The following MYLK4 variants were observed in gnomAD, a reference collection of about 807,000 sequenced individuals.
MYLK4 encodes the protein caMLCK like.
MYLK4 carries 46 observed loss-of-function variants against 48.1 expected under a neutral mutation model. That is an observed-to-expected ratio of 0.96 (90% CI 0.75 to 1.22). The LOEUF (loss-of-function observed/expected upper bound fraction) is 1.22, where lower values mean the gene tolerates loss of function less well. Among genes scored for constraint, MYLK4 ranks in the 50% most tolerant of loss-of-function variants. The pLI is 0.00. For synonymous variants in MYLK4, 170 were observed against 180.8 expected, an observed-to-expected ratio of 0.94 and a Z score of 0.48; for missense variants, 451 against 486.1, an observed-to-expected ratio of 0.93 and a Z score of 0.68.
At chr6:2,683,668 C>T (rs952247110) in intron 6 of MYLK4, among the ~76,000 whole-genome samples, 3 of 152,210 alleles carry the variant, frequency 2.0e-5, no homozygotes, top group African/African-American at 7.2e-5. Context: ...ATCCACCAGC[C>T]TCGGCCTCCC....
intron 10 of MYLK4, 135 bp from the exon 11 acceptor site, chr6:2,675,260 T>A: frequency 1.5e-6 from 1 of 679,206 alleles, no homozygotes; most frequent in East Asian, 2.6e-5. Context: ...TTCTGCCTTC[T>A]CTTGAATTGT....
chr6:2,728,459 G>C (rs894618492), intron 2 of MYLK4, among the ~76,000 whole-genome samples: 1 of 151,936 alleles, frequency 6.6e-6, no homozygotes, highest in African/African-American at 2.4e-5. Flanking sequence ...AGAGGTGGGA[G>C]CTCCTTTGCC....
Position 2,693,744 on chromosome 6 carries a change from A to G in MYLK4, c.160-885T>C, listed in dbSNP as rs575011788. On this transcript the variant is annotated intron_variant, in intron 2 of 12. Transcript: ENST00000274643. ...GTTCAGAGCACAGATATCAAGACAA[A>G]TTGCAAATGTGCTTTTTTTTTTTTT... Among the ~76,000 whole-genome samples the G allele has an allele frequency of 2.7e-5, 4 of 146,070 alleles. No homozygotes were observed. The East Asian group carries it at 6.1e-4, about 22-fold the overall frequency.
At chr6:2,747,408 T>G (rs1156308314) in intron 2 of MYLK4, among the ~76,000 whole-genome samples, 1 of 152,110 alleles carries the variant, frequency 6.6e-6, no homozygotes, top group African/African-American at 2.4e-5. Flanking sequence ...TGCAGTGGTG[T>G]GATCATAGCT....
At chr6:2,686,646 G>A (rs1224105640) in intron 4 of MYLK4, among the ~76,000 whole-genome samples, 1 of 152,200 alleles carries the variant, frequency 6.6e-6, no homozygotes, top group Non-Finnish European at 1.5e-5. Flanking sequence ...GGACTTCAGC[G>A]ATGAAAGTCA....
At chr6:2,711,288 G>A (rs767653562) in intron 2 of MYLK4, among the ~76,000 whole-genome samples, 30 of 152,170 alleles carry the variant, frequency 2.0e-4, no homozygotes, top group African/African-American at 7.0e-4. Context: ...ATCTAATCAT[G>A]GTATTACCAT....
the MYLK4 span, chr6:2,765,610 G>A: frequency 2.0e-6 from 3 of 1,507,022 alleles, no homozygotes; most frequent in Non-Finnish European, 2.6e-6. Flanking sequence ...CGCCGGGGAG[G>A]GCGGCGGCCG....
chr6:2,695,931 A>G (rs577557547), intron 2 of MYLK4, among the ~76,000 whole-genome samples: 2 of 152,338 alleles, frequency 1.3e-5, no homozygotes, highest in East Asian at 1.9e-4. Context: ...TTCTGACCCA[A>G]TCCTGACCAT....
Position 2,749,804 on chromosome 6 carries a change from G to A in MYLK4, c.-112-398C>T, listed in dbSNP as rs189500531. On this transcript the variant is annotated intron_variant, in intron 1 of 12. Coordinates refer to ENST00000274643, the MANE Select transcript of MYLK4 (RefSeq NM_001012418.5). Reference sequence around the variant, plus strand: ...AGAAGGGGTCTCTCTGCTTCCCCTGGCCTCCCTCTGCAGAGGGATCGCTCC... The same window carrying A: ...AGAAGGGGTCTCTCTGCTTCCCCTGACCTCCCTCTGCAGAGGGATCGCTCC... 5.5e-3 allele frequency among the ~76,000 whole-genome samples: 835 copies of A among 152,144 alleles called. 8 individuals are homozygous for A. The highest frequency in any genetic ancestry group is 0.019 in the African/African-American group (769 of 41,486).
the MYLK4 span, among the ~76,000 whole-genome samples, chr6:2,763,449 ATGGCAGGCCTGAGCCTTGCGCTGCG>A: frequency 2.0e-5 from 3 of 152,320 alleles, no homozygotes; most frequent in South Asian, 4.1e-4. Context: ...AGGCTCAGGC[ATGGCAGGCCTGAGCCTTGCGCTGCG>A]TGGAGGCAAC....
At chr6:2,722,780 A>C (rs1287520605) in intron 2 of MYLK4, among the ~76,000 whole-genome samples, 1 of 152,182 alleles carries the variant, frequency 6.6e-6, no homozygotes, top group Non-Finnish European at 1.5e-5. Context: ...AGGCTTTGTA[A>C]AACATTATAA....
upstream of MYLK4, among the ~76,000 whole-genome samples, chr6:2,753,851 G>C (rs1344322199): frequency 6.6e-6 from 1 of 152,030 alleles, no homozygotes; most frequent in Non-Finnish European, 1.5e-5. Context: ...TAGGAGAGCT[G>C]TAATAATAAT....
chr6:2,685,309 G>A lies in MYLK4; in HGVS notation c.532C>T (p.Leu178=). ...DAFESKNDIV[L]VMEYVDGGEL... ...GGGGATACGTACTACTCCATGACCAGGACAATGTCGTTCTTAGACTCGAAG... is the reference window on the plus strand; with the variant it reads ...GGGGATACGTACTACTCCATGACCAAGACAATGTCGTTCTTAGACTCGAAG... Residue 178 remains leucine (L), a synonymous_variant, in exon 6 of 13, where the codon CTG becomes TTG. Transcript: ENST00000274643. The surrounding 1 kb of genome is among the most constrained non-coding windows in gnomAD (Gnocchi z 4.5). 4 of 1,612,854 alleles carry A rather than the reference G, an allele frequency of 2.5e-6. No individual in the cohort carries two copies. The highest frequency in any genetic ancestry group is 3.4e-6 in the Non-Finnish European group (4 of 1,179,374).
At chr6:2,687,454 G>A (rs1761603887) in intron 4 of MYLK4, among the ~76,000 whole-genome samples, 1 of 152,186 alleles carries the variant, frequency 6.6e-6, no homozygotes, top group Admixed American at 6.5e-5. Context: ...TTTCAAAGGA[G>A]CAATTGACAA....
intron 11 of MYLK4, 37 bp downstream of exon 11, chr6:2,675,010 C>T (rs532508506): frequency 1.4e-6 from 2 of 1,448,384 alleles, no homozygotes; most frequent in African/African-American, 1.4e-5. Flanking sequence ...GACAGGCAGA[C>T]AGGAGAAAAA....
At chr6:2,751,826 T>C (rs1327225660), upstream of MYLK4, among the ~76,000 whole-genome samples, 3 of 152,260 alleles carry the variant, frequency 2.0e-5, no homozygotes, top group Non-Finnish European at 4.4e-5. Context: ...TATTAATGAA[T>C]TACAGCAAAA....
Position 2,731,198 on chromosome 6 carries a change from G to A in MYLK4, c.159+17938C>T, listed in dbSNP as rs62389652. ...GGGAAATGGTACCAAGCATAATTTC[G>A]TTTCTAAGAAGTCCCAGGAATGAAT... On this transcript the variant is annotated intron_variant, in intron 2 of 12. Coordinates refer to ENST00000274643, the MANE Select transcript of MYLK4 (RefSeq NM_001012418.5). Among the ~76,000 whole-genome samples the A allele has an allele frequency of 6.2e-3, 943 of 152,214 alleles. 6 individuals are homozygous for A. Among genetic ancestry groups the A allele is most frequent in the Non-Finnish European group, 0.01 (683 of 68,014 alleles).
chr6:2,689,668 A>C (rs947711898), intron 3 of MYLK4, among the ~76,000 whole-genome samples: 1 of 152,218 alleles, frequency 6.6e-6, no homozygotes, highest in Non-Finnish European at 1.5e-5. Flanking sequence ...TCACCTTTCC[A>C]TGACTACTGC....
chr6:2,764,944 T>C, the MYLK4 span, among the ~76,000 whole-genome samples: 4 of 152,228 alleles, frequency 2.6e-5, no homozygotes, highest in Admixed American at 2.0e-4. Context: ...TTGGAGGCTT[T>C]TGGGTTTTTT....
Sources: gnomAD v4.1 joint callset for allele counts (sites outside exome capture counted in the v4.1 genomes callset) on GRCh38, gnomAD v4.1.1 for gene constraint, Gnocchi (gnomAD v3.1) non-coding constraint, MANE v1.5 for transcripts, NCBI Gene and HGNC (gene_info 2026-07-23, HGNC 2026-07-21) for gene names.